The following SLC29A3 variants were observed in gnomAD, a reference collection of about 807,000 sequenced individuals.
SLC29A3 encodes solute carrier family 29 member 3.
Under a neutral mutation model 25.4 loss-of-function variants are expected in SLC29A3, and 18 were observed. The ratio of observed to expected loss-of-function variants is 0.71; its 90% confidence interval spans 0.49 to 1.05. The LOEUF (loss-of-function observed/expected upper bound fraction) is 1.05, where lower values mean the gene tolerates loss of function less well. Among genes scored for constraint, SLC29A3 ranks in the 50% least tolerant of loss-of-function variants. SLC29A3 has a pLI of 0.00. For synonymous variants in SLC29A3, 258 were observed against 267.1 expected (o/e 0.97, Z 0.33); for missense variants, 586 against 609.0 (o/e 0.96, Z 0.40).
chr10:71,357,451 A>G (rs182105026), intron 5 of SLC29A3, among the ~76,000 whole-genome samples: 198 of 151,688 alleles, frequency 1.3e-3, no homozygotes, highest in African/African-American at 4.6e-3. Context: ...GAGTCTCACT[A>G]TGTTGCCCAG....
Position 71,363,016 on chromosome 10 carries a change from T to G in SLC29A3, c.*408T>G. 1 of 461,164 alleles carries G rather than the reference T, an allele frequency of 2.2e-6. No homozygotes were observed. Among genetic ancestry groups the G allele is most frequent in the Non-Finnish European group, 4.3e-6 (1 of 231,842 alleles). The allele number at this position is 461,164 out of a possible 1,614,324, so 28.6% of individuals were successfully genotyped here. On this transcript the variant is annotated 3_prime_UTR_variant, in exon 6 of 6. Transcript: ENST00000373189. ...GCGCTCATTCCAGCTGACAGCGAGA[T>G]GCAAGCAAATGCTCAGCTCTCCTTA...
intron 4 of SLC29A3, 109 bp from the exon 5 acceptor site, chr10:71,355,972 G>A (rs188634576): frequency 9.2e-6 from 12 of 1,302,898 alleles, no homozygotes; most frequent in Middle Eastern, 2.6e-4. Context: ...GGCATTTTTC[G>A]CACGGAGGAA....
chr10:71,360,228 C>A (rs934104115), intron 5 of SLC29A3, among the ~76,000 whole-genome samples: 1 of 137,476 alleles, frequency 7.3e-6, no homozygotes, highest in Non-Finnish European at 1.5e-5. Context: ...ACTGCAATGT[C>A]CATCTCCCGA....
intron 5 of SLC29A3, among the ~76,000 whole-genome samples, chr10:71,357,559 T>C (rs907381310): frequency 1.3e-5 from 2 of 151,858 alleles, no homozygotes; most frequent in Admixed American, 6.6e-5. Flanking sequence ...CACAAAGAGG[T>C]TAAATTATTA....
rs1395007544 is a variant in SLC29A3, at chr10:71,337,439, G to A, written c.301-6770G>A. On this transcript the variant is annotated intron_variant, in intron 2 of 5. Coordinates refer to ENST00000373189, the MANE Select transcript of SLC29A3 (RefSeq NM_018344.6). ...AACTATTCTTGGCTCCAACCTGCTC[G>A]CTGCTGCTAATTTCATGCCCCTGTG... is the stretch of plus-strand genomic sequence containing the variant. Among the ~76,000 whole-genome samples, 8 of 152,344 alleles carry A rather than the reference G, an allele frequency of 5.3e-5. No homozygotes were observed. In the East Asian group the frequency reaches 5.8e-4, roughly 11 times the overall value.
intron 5 of SLC29A3, among the ~76,000 whole-genome samples, chr10:71,358,231 C>G (rs1846966176): frequency 6.6e-6 from 1 of 152,180 alleles, no homozygotes; most frequent in East Asian, 1.9e-4. Flanking sequence ...TCTCATCATT[C>G]ATTCTCCCTG....
intron 4 of SLC29A3, among the ~76,000 whole-genome samples, chr10:71,355,441 C>CTGTGTG (rs1004061399): frequency 9.2e-5 from 14 of 152,136 alleles, no homozygotes; most frequent in Non-Finnish European, 2.1e-4. Flanking sequence ...AGGTGTATGA[C>CTGTGTG]TGTGTGTGTG....
At chr10:71,337,424 G>C (rs191227401) in intron 2 of SLC29A3, among the ~76,000 whole-genome samples, 5 of 152,344 alleles carry the variant, frequency 3.3e-5, no homozygotes, top group Admixed American at 3.3e-4. Context: ...AACTATTCTT[G>C]GCTCCAACCT....
chr10:71,328,914 G>T (rs1013907527), intron 2 of SLC29A3, among the ~76,000 whole-genome samples: 1 of 152,162 alleles, frequency 6.6e-6, no homozygotes, highest in African/African-American at 2.4e-5. Flanking sequence ...CTGCAAAGAA[G>T]CAAGATAGCA....
chr10:71,341,123 G>C (rs1162614551), intron 2 of SLC29A3, among the ~76,000 whole-genome samples: 1 of 152,122 alleles, frequency 6.6e-6, no homozygotes, highest in Admixed American at 6.5e-5. Context: ...GGTCTCACGG[G>C]GCTTGACTCC....
intron 2 of SLC29A3, among the ~76,000 whole-genome samples, chr10:71,337,805 C>A (rs780660): frequency 0.3 from 45,458 of 152,044 alleles, 6,939 homozygotes; most frequent in African/African-American, 0.36. Context: ...CAGAAGAGAC[C>A]CTTAGCACGG....
downstream of SLC29A3, among the ~76,000 whole-genome samples, chr10:71,367,978 T>C (rs1308567701): frequency 6.6e-6 from 1 of 152,158 alleles, no homozygotes; most frequent in Non-Finnish European, 1.5e-5. Flanking sequence ...ATCCCAGCAC[T>C]TTGGGAGGCT....
Position 71,319,529 on chromosome 10 carries a change from T to C in SLC29A3, c.1+219T>C, listed in dbSNP as rs532718752. ...TCTCTATCTTCTCTTCCCCAAATCC[T>C]CTCCCCTCCTCCTCCCTGAGACTGG... On this transcript the variant is annotated intron_variant, in intron 1 of 5. Transcript: ENST00000373189. 275 of 414,334 alleles carry C rather than the reference T, an allele frequency of 6.6e-4. 1 individual carries two copies. The highest frequency in any genetic ancestry group is 1.6e-3 in the South Asian group (27 of 16,728). 25.7% of individuals were successfully genotyped at this position (414,334 alleles called of 1,614,324 possible).
At chr10:71,379,375 A>T (rs369063737) in intron 4 of SLC29A3, among the ~76,000 whole-genome samples, 1 of 152,270 alleles carries the variant, frequency 6.6e-6, no homozygotes, top group East Asian at 1.9e-4. Flanking sequence ...AACCCAAACT[A>T]AGTAGTTACC....
intron 2 of SLC29A3, among the ~76,000 whole-genome samples, chr10:71,343,915 G>C (rs1468433295): frequency 6.6e-6 from 1 of 152,236 alleles, no homozygotes; most frequent in Non-Finnish European, 1.5e-5. Context: ...ATGGGCAGAA[G>C]TGTGGGCTGC....
intron 3 of SLC29A3, among the ~76,000 whole-genome samples, chr10:71,373,141 T>G (rs1847224442): frequency 6.6e-6 from 1 of 152,150 alleles, no homozygotes; most frequent in African/African-American, 2.4e-5. Context: ...ATTTTCTGAG[T>G]CTTTGCTGAG....
chr10:71,369,855 G>T (rs917127407), intron 3 of SLC29A3, among the ~76,000 whole-genome samples: 6 of 152,228 alleles, frequency 3.9e-5, no homozygotes, highest in African/African-American at 1.4e-4. Context: ...TCAGACCAGA[G>T]CTAGGAGGCT....
intron 3 of SLC29A3, among the ~76,000 whole-genome samples, chr10:71,347,830 C>T (rs1846633153): frequency 6.6e-6 from 1 of 152,174 alleles, no homozygotes; most frequent in African/African-American, 2.4e-5. Context: ...AACTTTCCTG[C>T]CCTGGGGGTA....
rs2243460 is a variant in SLC29A3, at chr10:71,347,501, G to A, written c.383+3210G>A. Among the ~76,000 whole-genome samples the A allele has an allele frequency of 5.3e-5, 8 of 152,112 alleles. No homozygotes were observed. In the East Asian group the frequency reaches 7.8e-4, roughly 15 times the overall value. The stretch of plus-strand genomic sequence containing the variant: ...GACTTTCCTAAGACCCTAAGAGCAC[G>A]ACTGTCCCCTGGGCCACTCTCCCTT... On this transcript the variant is annotated intron_variant, in intron 3 of 5. Transcript: ENST00000373189.
Sources: allele counts gnomAD v4.1 joint callset (sites outside exome capture counted in the v4.1 genomes callset), GRCh38; gene constraint gnomAD v4.1.1; transcripts MANE v1.5; gene names NCBI Gene and HGNC (gene_info 2026-07-23, HGNC 2026-07-21).